Variants in KCNIP4 observed in about 807,000 individuals in gnomAD.
KCNIP4 encodes Kv channel-interacting protein 4.
A neutral mutation model predicts 34.0 loss-of-function variants in KCNIP4; 12 were observed. The observed-to-expected ratio is 0.35, with a 90% confidence interval of 0.23 to 0.57. KCNIP4 has a LOEUF of 0.57. Ranked by LOEUF, KCNIP4 falls within the 20% of genes least tolerant of loss-of-function variation. The pLI, the probability that KCNIP4 is intolerant of heterozygous loss-of-function variation, is 0.83. For missense variants in KCNIP4, 238 were observed against 311.7 expected (o/e 0.76, Z 1.78); for synonymous variants, 124 against 102.2 (o/e 1.21, Z -1.29).
chr4:20,758,764 A>T lies in KCNIP4; in HGVS notation c.358+57T>A, dbSNP rs139642771. 8.2e-3 allele frequency: 11,048 copies of T among 1,352,668 alleles called. 83 individuals carry two copies. The highest frequency in any genetic ancestry group is 9.8e-3 in the Middle Eastern group (54 of 5,510). 83.8% of individuals were successfully genotyped at this position (1,352,668 alleles called of 1,614,324 possible). ...CATGCTATGAAAAATTAAACTCAAC[A>T]CTGCAAGCATAATTGTAACTCTGAT... is the stretch of plus-strand genomic sequence containing the variant. On this transcript the variant is annotated intron_variant, in intron 4 of 8. Coordinates refer to ENST00000382152, the MANE Select transcript of KCNIP4 (RefSeq NM_025221.6).
At chr4:21,906,131 G>T (rs761104118) in intron 1 of KCNIP4, among the ~76,000 whole-genome samples, 2 of 152,158 alleles carry the variant, frequency 1.3e-5, no homozygotes, top group Admixed American at 1.3e-4. Flanking sequence ...GAAACTATAT[G>T]ACCCACAAAT....
chr4:21,372,386 A>ATAGATAGT lies in KCNIP4; in HGVS notation c.62-489685_62-489678dup, dbSNP rs1020961300. Among the ~76,000 whole-genome samples, 4 of 146,850 alleles carry ATAGATAGT rather than the reference A, an allele frequency of 2.7e-5. 1 individual carries two copies. The highest frequency in any genetic ancestry group is 1.1e-4 in the African/African-American group (4 of 36,650). ...GATAGATAGATAGATAGATAGATAG[A>ATAGATAGT]TAGATAGTTAGATAGACAGACAGAC... On this transcript the variant is annotated intron_variant, in intron 1 of 8. Transcript: ENST00000382152.
intron 2 of KCNIP4, among the ~76,000 whole-genome samples, chr4:20,853,562 C>G (rs1424350653): frequency 1.3e-5 from 2 of 151,998 alleles, no homozygotes; most frequent in Non-Finnish European, 2.9e-5. Context: ...TTGGAAAAAC[C>G]CTTTTAGACA....
intron 2 of KCNIP4, among the ~76,000 whole-genome samples, chr4:20,873,290 T>C (rs1480632266): frequency 6.6e-6 from 1 of 152,188 alleles, no homozygotes; most frequent in Non-Finnish European, 1.5e-5. Context: ...TAGTTTTCTC[T>C]TTTCAGTGGA....
chr4:21,916,160 C>G lies in KCNIP4; in HGVS notation c.61+32411G>C, dbSNP rs146286152. Among the ~76,000 whole-genome samples the G allele has an allele frequency of 1.9e-3, 295 of 152,294 alleles. 2 individuals are homozygous for G. Among genetic ancestry groups the G allele is most frequent in the Middle Eastern group, 6.8e-3 (2 of 294 alleles). ...TTTCTCTAAGTGTTTCTCAGACAGG[C>G]TTAAGAGTAAAGACGTGACTATATG... On this transcript the variant is annotated intron_variant, in intron 1 of 8. Coordinates refer to ENST00000382152, the MANE Select transcript of KCNIP4 (RefSeq NM_025221.6).
chr4:20,946,247 T>C (rs1351142458), intron 1 of KCNIP4, among the ~76,000 whole-genome samples: 4 of 152,018 alleles, frequency 2.6e-5, no homozygotes, highest in Admixed American at 6.6e-5. Flanking sequence ...CTGCCTATGG[T>C]TGGATAGCCA....
chr4:21,774,714 C>G (rs190459343), intron 1 of KCNIP4, among the ~76,000 whole-genome samples: 6 of 152,098 alleles, frequency 3.9e-5, no homozygotes, highest in Non-Finnish European at 8.8e-5. Context: ...CTCTGATATC[C>G]TTTCCTCCAC....
At chr4:21,854,187 G>GATAAAACGGTAAGT (rs1359994522) in intron 1 of KCNIP4, among the ~76,000 whole-genome samples, 1 of 152,124 alleles carries the variant, frequency 6.6e-6, no homozygotes, top group Non-Finnish European at 1.5e-5. Context: ...AAGGCAAGAT[G>GATAAAACGGTAAGT]ATAAAACGGT....
intron 1 of KCNIP4, among the ~76,000 whole-genome samples, chr4:21,302,139 A>T (rs995468132): frequency 3.3e-5 from 5 of 152,184 alleles, no homozygotes; most frequent in Non-Finnish European, 7.3e-5. Flanking sequence ...TTGTTCATAC[A>T]AATCAGTACA....
intron 1 of KCNIP4, among the ~76,000 whole-genome samples, chr4:21,075,848 T>C (rs554455667): frequency 6.6e-6 from 1 of 152,294 alleles, no homozygotes; most frequent in Admixed American, 6.5e-5. Flanking sequence ...TGACAAAATC[T>C]CTCAGCATTT....
intron 1 of KCNIP4, among the ~76,000 whole-genome samples, chr4:21,339,898 C>T (rs1716574938): frequency 6.6e-6 from 1 of 152,116 alleles, no homozygotes; most frequent in Admixed American, 6.5e-5. Flanking sequence ...AACCTTTTGC[C>T]TTTCTTATAA....
chr4:20,743,834 A>G (rs192148378), intron 5 of KCNIP4, among the ~76,000 whole-genome samples: 6,168 of 152,216 alleles, frequency 0.041, 161 homozygotes, highest in Non-Finnish European at 0.066. Context: ...TGAACAGGCA[A>G]CCTACAAAAT....
At chr4:21,068,435 C>G (rs1422495589) in intron 1 of KCNIP4, among the ~76,000 whole-genome samples, 2 of 152,142 alleles carry the variant, frequency 1.3e-5, no homozygotes, top group Non-Finnish European at 2.9e-5. Flanking sequence ...CCTATGTGGT[C>G]TATATAATCT....
intron 1 of KCNIP4, among the ~76,000 whole-genome samples, chr4:21,149,224 T>C (rs958033950): frequency 6.6e-6 from 1 of 152,224 alleles, no homozygotes; most frequent in African/African-American, 2.4e-5. Flanking sequence ...ACCCTGATAT[T>C]CTTTCTTCCT....
At chr4:21,830,840 C>A (rs1489940169) in intron 1 of KCNIP4, among the ~76,000 whole-genome samples, 1 of 152,164 alleles carries the variant, frequency 6.6e-6, no homozygotes, top group Non-Finnish European at 1.5e-5. Context: ...TTCCACCCAA[C>A]TGCAGCAGAA....
intron 1 of KCNIP4, among the ~76,000 whole-genome samples, chr4:21,003,474 A>T (rs1333236032): frequency 7.2e-5 from 11 of 152,240 alleles, no homozygotes; most frequent in Admixed American, 7.2e-4. Flanking sequence ...AACAAAGCTT[A>T]CTTGTAGTTG....
chr4:21,305,022 A>G (rs1712291925), intron 1 of KCNIP4, among the ~76,000 whole-genome samples: 1 of 152,132 alleles, frequency 6.6e-6, no homozygotes. Context: ...CTCTTGCACA[A>G]ACTGTTTCAT....
intron 1 of KCNIP4, among the ~76,000 whole-genome samples, chr4:21,714,812 T>G (rs1241701832): frequency 0.059 from 13 of 220 alleles, no homozygotes; most frequent in African/African-American, 0.19. Context: ...TTATTTTATT[T>G]TATTTTATTT....
intron 1 of KCNIP4, among the ~76,000 whole-genome samples, chr4:21,438,737 G>A (rs920579580): frequency 1.3e-5 from 2 of 152,036 alleles, no homozygotes; most frequent in African/African-American, 2.4e-5. Context: ...ATTAATTATA[G>A]ATAATTAACA....
Sources: allele counts gnomAD v4.1 joint callset (sites outside exome capture counted in the v4.1 genomes callset), GRCh38; gene constraint gnomAD v4.1.1; transcripts MANE v1.5; gene names NCBI Gene and HGNC (gene_info 2026-07-23, HGNC 2026-07-21).